The following PAM variants were observed in gnomAD, a reference collection of about 807,000 sequenced individuals.
PAM encodes peptidylglycine alpha-amidating monooxygenase.
A neutral mutation model predicts 122.1 loss-of-function variants in PAM; 72 were observed. The ratio of observed to expected loss-of-function variants is 0.59; its 90% CI spans 0.49 to 0.72. PAM has a LOEUF of 0.72. PAM is among the 30% of genes least tolerant of loss of function. The pLI is 0.00. For missense variants in PAM, 1,106 were observed against 1,183.7 expected (o/e 0.93, Z 0.96); for synonymous variants, 389 against 404.4 (o/e 0.96, Z 0.46).
chr5:102,792,801 G>A (rs1762376779), intron 1 of PAM, among the ~76,000 whole-genome samples: 2 of 152,170 alleles, frequency 1.3e-5, no homozygotes, highest in Admixed American at 1.3e-4. Context: ...TCCTACCACA[G>A]TTATTATGGT....
chr5:102,915,816 C>T (rs1802930559), intron 5 of PAM, among the ~76,000 whole-genome samples: 2 of 151,996 alleles, frequency 1.3e-5, no homozygotes, highest in South Asian at 2.1e-4. Flanking sequence ...CTAAAATGAG[C>T]CAAGCTCATT....
intron 14 of PAM, among the ~76,000 whole-genome samples, chr5:102,964,111 A>G (rs993550416): frequency 2.0e-5 from 3 of 151,812 alleles, no homozygotes; most frequent in Non-Finnish European, 2.9e-5. Context: ...AACATGGAGG[A>G]AAAAAATTCA....
intron 1 of PAM, among the ~76,000 whole-genome samples, chr5:102,829,690 TGTG>T (rs1774859681): frequency 6.6e-6 from 1 of 152,172 alleles, no homozygotes; most frequent in Non-Finnish European, 1.5e-5. Flanking sequence ...GGGAGTTTTT[TGTG>T]GTTAGAAAAT....
chr5:102,902,620 T>C (rs1057186564), intron 4 of PAM, among the ~76,000 whole-genome samples: 1 of 151,590 alleles, frequency 6.6e-6, no homozygotes, highest in Admixed American at 6.6e-5. Context: ...CATACATTCA[T>C]AATTAAAATC....
In PAM at chr5:102,787,109, G is replaced by A. The variant is rs6873835; in HGVS notation, c.-374+31761G>A. 4.7e-3 allele frequency among the ~76,000 whole-genome samples: 710 copies of A among 152,172 alleles called. 8 individuals carry two copies. The highest frequency in any genetic ancestry group is 0.016 in the African/African-American group (679 of 41,514). ...CTCTTAATTTAGAAATCATTATGCT[G>A]GTGGAAAGGCCAAGGAGAAATGCTT... is the stretch of plus-strand genomic sequence containing the variant. On this transcript the variant is annotated intron_variant, in intron 1 of 25. Transcript: ENST00000438793.
intron 1 of PAM, 49 bp downstream of exon 1, chr5:102,755,397 G>C (rs1011267350): frequency 6.6e-6 from 1 of 152,242 alleles, no homozygotes; most frequent in South Asian, 2.1e-4. Flanking sequence ...GTCAGGGCAA[G>C]GGTGAGGGTG....
At chr5:102,988,817 T>G (rs781401692) in intron 15 of PAM, among the ~76,000 whole-genome samples, 14 of 152,152 alleles carry the variant, frequency 9.2e-5, no homozygotes, top group Non-Finnish European at 1.9e-4. Flanking sequence ...TAATTTTTAT[T>G]AAAAAAATGT....
intron 1 of PAM, among the ~76,000 whole-genome samples, chr5:102,791,205 C>T (rs937879108): frequency 2.7e-4 from 41 of 152,024 alleles, no homozygotes; most frequent in Non-Finnish European, 7.4e-5. Context: ...TAATTTTTTC[C>T]TATCTCTACT....
chr5:102,964,565 T>C (rs1763461444), intron 14 of PAM, among the ~76,000 whole-genome samples: 1 of 151,924 alleles, frequency 6.6e-6, no homozygotes, highest in Non-Finnish European at 1.5e-5. Flanking sequence ...GGGATTTCTT[T>C]AAAAATAATG....
chr5:103,019,316 G>A (rs915248732), intron 22 of PAM, among the ~76,000 whole-genome samples: 2 of 152,328 alleles, frequency 1.3e-5, no homozygotes, highest in East Asian at 1.9e-4. Flanking sequence ...TCTGCATAGC[G>A]CAGAGTGCAG....
chr5:102,856,000 G>GA (rs1022710997), intron 1 of PAM, among the ~76,000 whole-genome samples: 8 of 151,450 alleles, frequency 5.3e-5, no homozygotes, highest in South Asian at 2.1e-4. Flanking sequence ...CACTTTTTTT[G>GA]AAAAAAACAT....
chr5:102,897,614 G>A (rs1243300554), intron 3 of PAM, among the ~76,000 whole-genome samples: 1 of 151,546 alleles, frequency 6.6e-6, no homozygotes, highest in African/African-American at 2.4e-5. Flanking sequence ...CCTATTTACA[G>A]GGAACAACCA....
intron 14 of PAM, among the ~76,000 whole-genome samples, chr5:102,968,781 C>T (rs887314176): frequency 1.3e-5 from 2 of 152,128 alleles, no homozygotes; most frequent in African/African-American, 4.8e-5. Flanking sequence ...TGTAAAGACA[C>T]ATGCACACAT....
chr5:102,772,334 G>T (rs1214685093), intron 1 of PAM, among the ~76,000 whole-genome samples: 1 of 152,070 alleles, frequency 6.6e-6, no homozygotes, highest in Non-Finnish European at 1.5e-5. Flanking sequence ...GGAGAAAATT[G>T]AGGCTTATAA....
chr5:103,016,785 G>A lies in PAM; in HGVS notation c.2332-549G>A, dbSNP rs72785726. 1.6e-3 allele frequency among the ~76,000 whole-genome samples: 250 copies of A among 152,238 alleles called. 2 individuals are homozygous for A. The highest frequency in any genetic ancestry group is 2.1e-3 in the Non-Finnish European group (144 of 68,016). The stretch of plus-strand genomic sequence containing the variant: ...AGAGTATAAAACCCCACATTGCTAC[G>A]TATCTCTTAGTGTACATTTCAAAAA... On this transcript the variant is annotated intron_variant, in intron 21 of 25. Transcript: ENST00000438793.
chr5:103,021,023 G>A lies in PAM; in HGVS notation c.2485+1180G>A, dbSNP rs372436055. ...GTTCTGTTTGCCCTGGAATAAAGACGTTGGGAAAGATCATGTTGTTAATAG... is the reference window on the plus strand; with the variant it reads ...GTTCTGTTTGCCCTGGAATAAAGACATTGGGAAAGATCATGTTGTTAATAG... On this transcript the variant is annotated intron_variant, in intron 23 of 25. Coordinates refer to ENST00000438793, the MANE Select transcript of PAM (RefSeq NM_001177306.2). 1.3e-4 allele frequency among the ~76,000 whole-genome samples: 20 copies of A among 152,216 alleles called. No individual in the cohort carries two copies. The East Asian group carries it at 2.7e-3, about 21-fold the overall frequency.
At chr5:102,894,552 C>T (rs1795654289) in intron 3 of PAM, among the ~76,000 whole-genome samples, 1 of 151,590 alleles carries the variant, frequency 6.6e-6, no homozygotes, top group Non-Finnish European at 1.5e-5. Context: ...CACACATTGC[C>T]CAATTACTAT....
At chr5:102,963,467 C>T (rs1298696032) in intron 14 of PAM, among the ~76,000 whole-genome samples, 1 of 151,894 alleles carries the variant, frequency 6.6e-6, no homozygotes, top group African/African-American at 2.4e-5. Context: ...TTAAAGTAAG[C>T]CCTCAAACTT....
chr5:102,813,874 C>A (rs1286194068), intron 1 of PAM, among the ~76,000 whole-genome samples: 1 of 152,080 alleles, frequency 6.6e-6, no homozygotes, highest in African/African-American at 2.4e-5. Flanking sequence ...GGGCATGAAG[C>A]CATAGGAACA....
Sources: gnomAD v4.1 joint callset for allele counts (sites outside exome capture counted in the v4.1 genomes callset) on GRCh38, gnomAD v4.1.1 for gene constraint, MANE v1.5 for transcripts, NCBI Gene and HGNC (gene_info 2026-07-23, HGNC 2026-07-21) for gene names.